The following DMC1 variants were observed in gnomAD, a reference collection of about 807,000 sequenced individuals.
DMC1 encodes meiotic recombination protein DMC1 homolog.
In DMC1, 27 loss-of-function variants were observed where a neutral mutation model predicts 50.1. The observed-to-expected ratio is 0.54, with a 90% confidence interval of 0.40 to 0.74. The LOEUF is 0.74. Ranked by LOEUF, DMC1 falls within the 30% of genes least tolerant of loss-of-function variation. The pLI is 0.00. For synonymous variants in DMC1, 148 were observed against 136.1 expected (o/e 1.09, Z -0.61); for missense variants, 295 against 420.2 (o/e 0.70, Z 2.60).
intron 4 of DMC1, among the ~76,000 whole-genome samples, chr22:38,562,616 C>T (rs1022735367): frequency 3.3e-5 from 5 of 152,042 alleles, no homozygotes; most frequent in Admixed American, 3.3e-4. Flanking sequence ...CTTAATCTTG[C>T]TATACATCAG....
intron 12 of DMC1, among the ~76,000 whole-genome samples, chr22:38,536,310 G>C (rs2090212376): frequency 6.6e-6 from 1 of 152,026 alleles, no homozygotes; most frequent in African/African-American, 2.4e-5. Context: ...CTGTCTCCCA[G>C]GCTGGAGTGC....
At chr22:38,527,516 C>CTTTTTTTTT (rs891065117) in intron 12 of DMC1, among the ~76,000 whole-genome samples, 1 of 127,284 alleles carries the variant, frequency 7.9e-6, no homozygotes. Flanking sequence ...CCTTTTTCTC[C>CTTTTTTTTT]TTTTTTTTTT....
the DMC1 span, among the ~76,000 whole-genome samples, chr22:38,512,136 G>A: frequency 2.7e-3 from 413 of 152,038 alleles, 1 homozygote; most frequent in Middle Eastern, 0.02. Flanking sequence ...CACCACACCC[G>A]GATAATTTTT....
intron 5 of DMC1, among the ~76,000 whole-genome samples, chr22:38,558,334 C>A (rs745570333): frequency 7.9e-5 from 12 of 151,842 alleles, no homozygotes; most frequent in East Asian, 1.9e-4. Context: ...TATAAAAGCA[C>A]CCTTAAAATG....
the DMC1 span, among the ~76,000 whole-genome samples, chr22:38,513,848 G>A: frequency 6.6e-6 from 1 of 152,236 alleles, no homozygotes; most frequent in African/African-American, 2.4e-5. Flanking sequence ...TTATAGGCGC[G>A]GGCCACTGCG....
At chr22:38,515,714 G>C (rs997634566), downstream of DMC1, among the ~76,000 whole-genome samples, 26 of 151,690 alleles carry the variant, frequency 1.7e-4, no homozygotes, top group Non-Finnish European at 2.4e-4. Flanking sequence ...TAGGAGAATC[G>C]TTTGAACCTG....
At chr22:38,522,681 T>C (rs2090042159) in intron 12 of DMC1, among the ~76,000 whole-genome samples, 1 of 152,222 alleles carries the variant, frequency 6.6e-6, no homozygotes. Flanking sequence ...TATAGAATAA[T>C]AGCTTCAGTT....
chr22:38,547,314 A>T (rs1285012915), intron 8 of DMC1, among the ~76,000 whole-genome samples: 1 of 151,828 alleles, frequency 6.6e-6, no homozygotes, highest in East Asian at 2.0e-4. Context: ...GTGAGACTAG[A>T]CATATGTGCA....
chr22:38,525,990 AAAAG>A (rs575071452), intron 12 of DMC1, among the ~76,000 whole-genome samples: 510 of 152,176 alleles, frequency 3.4e-3, no homozygotes, highest in Middle Eastern at 6.8e-3. Flanking sequence ...AAAAAAAAGA[AAAAG>A]AAAGATATTA....
At chr22:38,520,120 A>G (rs1348786019) in intron 13 of DMC1, 31 bp from the exon 14 acceptor site, 3 of 1,559,494 alleles carry the variant, frequency 1.9e-6, no homozygotes, top group African/African-American at 1.4e-5. Context: ...AGAAGTTTAT[A>G]AAAAGCTCTA....
At position 38,519,452 on chromosome 22, in the gene DMC1, A is replaced by AAT. The variant is rs2145754762; in HGVS notation, c.*567_*568insAT. On this transcript the variant is annotated 3_prime_UTR_variant, in exon 14 of 14. Coordinates refer to ENST00000216024, the MANE Select transcript of DMC1 (RefSeq NM_007068.4). ...TTAATGTCTGTTTTCTGTTGCTATA[A>AAT]AGGTGAATATGCAGTTTGATATTAT... 1 of 153,358 alleles carries AAT rather than the reference A, an allele frequency of 6.5e-6. No homozygotes were observed. The highest frequency in any genetic ancestry group is 1.9e-4 in the East Asian group (1 of 5,216). The allele number at this position is 153,358 out of a possible 1,614,324, so 9.5% of individuals were successfully genotyped here.
At chr22:38,548,047 T>C (rs915050022) in intron 8 of DMC1, among the ~76,000 whole-genome samples, 2 of 152,224 alleles carry the variant, frequency 1.3e-5, no homozygotes, top group Non-Finnish European at 2.9e-5. Context: ...TTGCTTGACT[T>C]TTACAACCAG....
At chr22:38,525,317 C>G (rs544806090) in intron 12 of DMC1, among the ~76,000 whole-genome samples, 1 of 152,216 alleles carries the variant, frequency 6.6e-6, no homozygotes, top group Admixed American at 6.6e-5. Context: ...ATTCAGGGAA[C>G]TTTTGAAGAG....
At chr22:38,559,473 C>T (rs925888631) in intron 5 of DMC1, among the ~76,000 whole-genome samples, 4 of 152,108 alleles carry the variant, frequency 2.6e-5, no homozygotes. Flanking sequence ...CCTGCCAAAA[C>T]AGGTGTTTTG....
At chr22:38,563,354 T>C (rs1307327581) in intron 4 of DMC1, among the ~76,000 whole-genome samples, 1 of 152,156 alleles carries the variant, frequency 6.6e-6, no homozygotes, top group Non-Finnish European at 1.5e-5. Context: ...TTCTTAAACT[T>C]TGGAGAACTT....
At chr22:38,554,909 C>G (rs1191196843) in intron 6 of DMC1, among the ~76,000 whole-genome samples, 1 of 152,008 alleles carries the variant, frequency 6.6e-6, no homozygotes, top group African/African-American at 2.4e-5. Context: ...TGGTGAAACC[C>G]CGTCTCCACT....
chr22:38,519,501 G>T lies in DMC1; in HGVS notation c.*519C>A, dbSNP rs2090000530. On this transcript the variant is annotated 3_prime_UTR_variant, in exon 14 of 14. Transcript: ENST00000216024. The stretch of plus-strand genomic sequence containing the variant: ...ATAAATAGAAAGAGCTTTTGTGTGT[G>T]TGTCCTATAAACATTCCTCCCTTAA... 1 of 156,564 alleles carries T rather than the reference G, an allele frequency of 6.4e-6. No individual in the cohort carries two copies. Among genetic ancestry groups the T allele is most frequent in the African/African-American group, 2.4e-5 (1 of 41,474 alleles). 9.7% of individuals were successfully genotyped at this position (156,564 alleles called of 1,614,324 possible).
chr22:38,555,982 C>A (rs903150753), intron 5 of DMC1, among the ~76,000 whole-genome samples: 2 of 151,956 alleles, frequency 1.3e-5, no homozygotes, highest in Non-Finnish European at 2.9e-5. Context: ...CAGGTGCCTG[C>A]CACCACGCCA....
chr22:38,530,190 C>T (rs2090138607), intron 12 of DMC1, among the ~76,000 whole-genome samples: 1 of 151,962 alleles, frequency 6.6e-6, no homozygotes, highest in Non-Finnish European at 1.5e-5. Flanking sequence ...TGGTCTCGAA[C>T]TCCTGACCTC....
Sources: gnomAD v4.1 joint callset for allele counts (sites outside exome capture counted in the v4.1 genomes callset) on GRCh38, gnomAD v4.1.1 for gene constraint, MANE v1.5 for transcripts, NCBI Gene and HGNC (gene_info 2026-07-23, HGNC 2026-07-21) for gene names.